The following WDR11 variants were observed in gnomAD, a reference collection of about 807,000 sequenced individuals.
WDR11 encodes the protein WD repeat-containing protein 11.
WDR11 carries 83 observed loss-of-function variants against 151.2 expected under a neutral mutation model. The observed-to-expected ratio is 0.55, with a 90% confidence interval of 0.46 to 0.66. WDR11 has a LOEUF of 0.66. Ranked by LOEUF, WDR11 falls within the 30% of genes least tolerant of loss-of-function variation. The pLI is 0.00. For synonymous variants in WDR11, 484 were observed against 533.1 expected, an observed-to-expected ratio of 0.91 and a Z score of 1.27; for missense variants, 1,301 against 1,480.9, an observed-to-expected ratio of 0.88 and a Z score of 1.99.
Position 120,862,847 on chromosome 10 carries a change from C to T in WDR11, c.639C>T (p.Asn213=), listed in dbSNP as rs1000507620. Residue 213 remains asparagine (N), a synonymous_variant, in exon 5 of 29, where the codon AAC becomes AAT. Coordinates refer to ENST00000263461, the MANE Select transcript of WDR11 (RefSeq NM_018117.12). Reference sequence around the variant, plus strand: ...GCCCACACTCTAGCCCAGCTCATAACAAGCTGGCCACAGCCACAGGTGCCA... The same window carrying T: ...GCCCACACTCTAGCCCAGCTCATAATAAGCTGGCCACAGCCACAGGTGCCA... ...ISSPHSSPAH[N]KLATATGAKK... 25 of 1,613,984 alleles carry T rather than the reference C, an allele frequency of 1.5e-5. No homozygotes were observed. The highest frequency in any genetic ancestry group is 1.8e-5 in the Non-Finnish European group (21 of 1,179,864).
chr10:120,881,979 G>A (rs975590178), intron 13 of WDR11, among the ~76,000 whole-genome samples: 1 of 152,050 alleles, frequency 6.6e-6, no homozygotes, highest in Non-Finnish European at 1.5e-5. Flanking sequence ...TATGATACTA[G>A]CTGTAGATTT....
intron 22 of WDR11, 51 bp downstream of exon 22, chr10:120,902,373 C>A: frequency 1.3e-6 from 2 of 1,526,354 alleles, no homozygotes; most frequent in Admixed American, 1.7e-5. Flanking sequence ...CAAGTTAACT[C>A]ATTTCTTTTA....
At position 120,908,793 on chromosome 10, in the gene WDR11, C is replaced by T; in HGVS notation, c.*80C>T. 6.6e-7 allele frequency: 1 copy of T among 1,512,832 alleles called. No individual in the cohort carries two copies. Among genetic ancestry groups the T allele is most frequent in the Non-Finnish European group, 9.2e-7 (1 of 1,091,254 alleles). The allele number at this position is 1,512,832 out of a possible 1,614,324, so 93.7% of individuals were successfully genotyped here. A position where few individuals can be genotyped will look rare whatever the true frequency, so the allele number is the denominator to read the frequency against. ...TCTGGCTGTGGCCACCGTCACAGTC[C>T]AGGATGAAGAGGAGTACAGGGTCCT... is the stretch of plus-strand genomic sequence containing the variant. On this transcript the variant is annotated 3_prime_UTR_variant, in exon 29 of 29. Transcript: ENST00000263461.
rs537188538 is a variant in WDR11, at chr10:120,903,196, A to G, written c.2895A>G (p.Ile965Met). Residue 965 changes from isoleucine to methionine, a missense_variant, in exon 23 of 29, where the codon ATA (isoleucine) becomes ATG (methionine). Ile to Met is a conservative substitution (Grantham distance 10). Transcript: ENST00000263461. ...ACAAACTGAGCAACCCACTGGATAT[A>G]TGCTATGACGTGCTCTGTGAAAATG... ...PRDKLSNPLD[I>M]CYDVLCENAY... 1 of 1,614,230 alleles carries G rather than the reference A, an allele frequency of 6.2e-7. No homozygotes were observed. Among genetic ancestry groups the G allele is most frequent in the Non-Finnish European group, 8.5e-7 (1 of 1,180,038 alleles).
At chr10:120,856,970 A>G (rs940460859) in intron 2 of WDR11, among the ~76,000 whole-genome samples, 6 of 152,196 alleles carry the variant, frequency 3.9e-5, no homozygotes, top group African/African-American at 1.2e-4. Flanking sequence ...ACTGATCAAT[A>G]GATAACCTTG....
chr10:120,906,123 A>G, intron 27 of WDR11, 102 bp downstream of exon 27: 1 of 1,600,530 alleles, frequency 6.2e-7, no homozygotes, highest in Non-Finnish European at 8.5e-7. Flanking sequence ...GTGTAAAGTG[A>G]AAGGAGAAGT....
chr10:120,883,742 G>T (rs1319168446), intron 13 of WDR11, 38 bp from the exon 14 acceptor site: 1 of 1,588,754 alleles, frequency 6.3e-7, no homozygotes, highest in Non-Finnish European at 8.6e-7. Context: ...TGAAATTTTT[G>T]CAAAAAGGGG....
intron 9 of WDR11, 39 bp from the exon 10 acceptor site, chr10:120,871,131 A>G (rs758423789): frequency 1.2e-6 from 2 of 1,604,280 alleles, no homozygotes; most frequent in Non-Finnish European, 1.7e-6. Context: ...ATCAGCATAC[A>G]CTGTAGTTAA....
intron 14 of WDR11, among the ~76,000 whole-genome samples, chr10:120,884,205 G>A (rs564723213): frequency 2.0e-5 from 3 of 152,234 alleles, no homozygotes; most frequent in Middle Eastern, 6.8e-3. Context: ...AGGAGTAAAT[G>A]TGGGAGGTGT....
At chr10:120,905,297 G>T (rs1004347647) in intron 25 of WDR11, 22 bp from the exon 26 acceptor site, 44 of 1,612,338 alleles carry the variant, frequency 2.7e-5, no homozygotes, top group Non-Finnish European at 3.6e-5. Context: ...GTCACTTAAG[G>T]GGATGCGCTT....
Position 120,905,383 on chromosome 10 carries a change from C to A in WDR11, c.3258C>A (p.Tyr1086Ter). 6.2e-7 allele frequency: 1 copy of A among 1,614,132 alleles called. No homozygotes were observed. Among genetic ancestry groups the A allele is most frequent in the Non-Finnish European group, 8.5e-7 (1 of 1,180,034 alleles). ...ACGCCTGCCGCTACCTGCAGACATA[C>A]GGCGAGTGGAATCGGGCTGCATGGC... The part of the protein sequence containing the change: ...AADACRYLQT[Y>*]GEWNRAAWLA... Residue 1086 changes from tyrosine (Y) to a stop codon, truncating the protein, a stop_gained, in exon 26 of 29, where the codon TAC becomes TAA. Transcript: ENST00000263461. LOFTEE classifies it high-confidence loss of function.
intron 20 of WDR11, 106 bp from the exon 21 acceptor site, chr10:120,900,930 A>G (rs998783489): frequency 2.5e-6 from 2 of 806,812 alleles, no homozygotes; most frequent in Non-Finnish European, 4.3e-6. Flanking sequence ...CTAACCAAGA[A>G]CTACGAAGAA....
intron 10 of WDR11, among the ~76,000 whole-genome samples, chr10:120,873,028 A>G (rs1049891961): frequency 6.6e-6 from 1 of 152,168 alleles, no homozygotes; most frequent in African/African-American, 2.4e-5. Flanking sequence ...ATAGAGACTG[A>G]AGCTTTACTT....
In WDR11 at chr10:120,865,227, T is replaced by C; in HGVS notation, c.879+15T>C. The C allele has an allele frequency of 6.2e-7, 1 of 1,612,336 alleles. No homozygotes were observed. The highest frequency in any genetic ancestry group is 8.5e-7 in the Non-Finnish European group (1 of 1,178,456). ...CATTTTTACAGGTATCTACAATTCA[T>C]AAATTATATTCCCCAAAATTATTAA... On this transcript the variant is annotated intron_variant, in intron 6 of 28. Transcript: ENST00000263461.
chr10:120,860,369 A>T, intron 4 of WDR11, 87 bp downstream of exon 4: 1 of 1,444,124 alleles, frequency 6.9e-7, no homozygotes, highest in Non-Finnish European at 9.5e-7. Context: ...CACACACATT[A>T]TACATCTATA....
At chr10:120,908,067 T>C (rs1052937127) in intron 28 of WDR11, 3 of 187,348 alleles carry the variant, frequency 1.6e-5, no homozygotes, top group African/African-American at 7.1e-5. Flanking sequence ...GAGTACCCAA[T>C]AGGCTGTTTA....
At position 120,889,989 on chromosome 10, in the gene WDR11, G is replaced by C. The variant is rs1193552336; in HGVS notation, c.2323G>C (p.Glu775Gln). 3.7e-6 allele frequency: 6 copies of C among 1,612,414 alleles called. No homozygotes were observed. The stretch of plus-strand genomic sequence containing the variant: ...AATAGCAATGTACAATGATGGAGCT[G>C]AAGTGTGGGATACTAAAGAGGTAGG... ...KLIAMYNDGA[E>Q]VWDTKEVQMV... The change falls in exon 18 of 29, where the codon GAA (glutamate) becomes CAA (glutamine). Residue 775 changes from glutamate to glutamine, a missense_variant. Transcript: ENST00000263461.
At chr10:120,871,803 G>A (rs1340530491) in intron 10 of WDR11, among the ~76,000 whole-genome samples, 1 of 152,102 alleles carries the variant, frequency 6.6e-6, no homozygotes, top group Non-Finnish European at 1.5e-5. Flanking sequence ...ATTTAAAGTG[G>A]CTATGGTCCC....
At chr10:120,874,937 G>A (rs1255302036) in intron 11 of WDR11, among the ~76,000 whole-genome samples, 2 of 151,094 alleles carry the variant, frequency 1.3e-5, no homozygotes, top group East Asian at 3.9e-4. Flanking sequence ...CATGCATTAG[G>A]TATTTCTCCT....
Sources: gnomAD v4.1 joint callset for allele counts (sites outside exome capture counted in the v4.1 genomes callset) on GRCh38, gnomAD v4.1.1 for gene constraint, MANE v1.5 for transcripts, NCBI Gene and HGNC (gene_info 2026-07-23, HGNC 2026-07-21) for gene names.